The following PLAA variants were observed in gnomAD, a reference collection of about 807,000 sequenced individuals.
The protein encoded by PLAA is phospholipase A2 activating protein.
In PLAA, 48 loss-of-function variants were observed where a neutral mutation model predicts 84.1. That is an observed-to-expected ratio of 0.57 (90% CI 0.45 to 0.73). The LOEUF (loss-of-function observed/expected upper bound fraction) is 0.73. Ranked by LOEUF, PLAA falls within the 30% of genes least tolerant of loss-of-function variation. PLAA has a pLI of 0.00. For synonymous variants in PLAA, 392 were observed against 336.6 expected (o/e 1.16, Z -1.80); for missense variants, 903 against 954.7 (o/e 0.95, Z 0.71).
chr9:26,925,753 A>ATC lies in PLAA; in HGVS notation c.869+70_869+71dup. On this transcript the variant is annotated intron_variant, in intron 6 of 13. Coordinates refer to ENST00000397292, the MANE Select transcript of PLAA (RefSeq NM_001031689.3). ...AGTCACGTGAAATTCCTTATGGCTT[A>ATC]TCTCTGTACACTCTAGTTCCTACTG... 3 of 1,358,188 alleles carry ATC rather than the reference A, an allele frequency of 2.2e-6. No individual in the cohort carries two copies. In the South Asian group the frequency reaches 3.8e-5, roughly 17 times the overall value. The allele number at this position is 1,358,188 out of a possible 1,614,324, so 84.1% of individuals were successfully genotyped here. A position where few individuals can be genotyped will look rare whatever the true frequency, so the allele number is the denominator to read the frequency against.
At chr9:26,911,610 T>C (rs1173062510) in intron 11 of PLAA, among the ~76,000 whole-genome samples, 1 of 152,186 alleles carries the variant, frequency 6.6e-6, no homozygotes, top group Non-Finnish European at 1.5e-5. Context: ...TTTATACTTT[T>C]TTTTACATCT....
Position 26,907,936 on chromosome 9 carries a change from T to G in PLAA, c.1720A>C (p.Ile574Leu). 1 of 1,610,872 alleles carries G rather than the reference T, an allele frequency of 6.2e-7. No homozygotes were observed. The highest frequency in any genetic ancestry group is 8.5e-7 in the Non-Finnish European group (1 of 1,178,850). Residue 574 changes from isoleucine (I) to leucine (L), a missense_variant, in exon 13 of 14, where the codon ATA (isoleucine) becomes CTA (leucine). By Grantham distance (5) the Ile-to-Leu change is conservative. Transcript: ENST00000397292. ...AGAGACAGTATCTTCTCAAGAAGTA[T>G]CAAGTCATCCTCAGTTAACTTCTTC... ...EEKKLTEDDL[I>L]LLEKILSLIC...
intron 12 of PLAA, among the ~76,000 whole-genome samples, chr9:26,908,927 T>C (rs1824319413): frequency 1.3e-5 from 2 of 152,246 alleles, no homozygotes; most frequent in Admixed American, 6.5e-5. Context: ...AAGAGTTAAA[T>C]GCCTACTGAT....
intron 10 of PLAA, among the ~76,000 whole-genome samples, chr9:26,914,832 C>T (rs1052883176): frequency 1.3e-5 from 2 of 152,170 alleles, no homozygotes; most frequent in African/African-American, 4.8e-5. Flanking sequence ...GAATGAATCA[C>T]AGATTCAATA....
Position 26,947,088 on chromosome 9 carries a change from G to A in PLAA, c.-43C>T, listed in dbSNP as rs1825756995. 2 of 1,480,552 alleles carry A rather than the reference G, an allele frequency of 1.4e-6. No homozygotes were observed. The highest frequency in any genetic ancestry group is 2.7e-5 in the South Asian group (2 of 74,686). 91.7% of individuals were successfully genotyped at this position (1,480,552 alleles called of 1,614,324 possible). A position where few individuals can be genotyped will look rare whatever the true frequency, so the allele number is the denominator to read the frequency against. On this transcript the variant is annotated 5_prime_UTR_variant, in exon 1 of 14. Transcript: ENST00000397292. Reference sequence around the variant, plus strand: ...CGCCCGGTGCCCAGGCACTGTGCGAGACCAGTCCGCAGGGGCGACTCGGAG... The same window carrying A: ...CGCCCGGTGCCCAGGCACTGTGCGAAACCAGTCCGCAGGGGCGACTCGGAG...
chr9:26,944,133 G>A lies in PLAA; in HGVS notation c.149+2764C>T, dbSNP rs149850623. Among the ~76,000 whole-genome samples the A allele has an allele frequency of 3.8e-3, 577 of 152,242 alleles. 1 individual carries two copies. The highest frequency in any genetic ancestry group is 0.023 in the South Asian group (112 of 4,820). ...ATGTCATTATTGCGGGACTGGGTTA[G>A]AGAGTGGCTTTGTTACAAAAGCAAG... On this transcript the variant is annotated intron_variant, in intron 1 of 13. Coordinates refer to ENST00000397292, the MANE Select transcript of PLAA (RefSeq NM_001031689.3).
At chr9:26,918,225 C>A (rs1171778490) in intron 9 of PLAA, among the ~76,000 whole-genome samples, 1 of 151,892 alleles carries the variant, frequency 6.6e-6, no homozygotes, top group East Asian at 1.9e-4. Flanking sequence ...GATTCTCCTG[C>A]CTCAGTTTTC....
chr9:26,925,429 G>C (rs956983909), intron 6 of PLAA, among the ~76,000 whole-genome samples: 1 of 152,148 alleles, frequency 6.6e-6, no homozygotes, highest in Non-Finnish European at 1.5e-5. Context: ...TCTCATGAAG[G>C]AAACTTATAC....
At chr9:26,913,225 C>T (rs1008319346) in intron 11 of PLAA, among the ~76,000 whole-genome samples, 14 of 151,982 alleles carry the variant, frequency 9.2e-5, no homozygotes, top group African/African-American at 3.1e-4. Context: ...ATCTGTCAAA[C>T]CTGAAAGAGA....
At chr9:26,907,008 C>A (rs1587145697) in intron 13 of PLAA, among the ~76,000 whole-genome samples, 6 of 121,476 alleles carry the variant, frequency 4.9e-5, no homozygotes, top group South Asian at 5.4e-4. Context: ...AACACATCAG[C>A]AAAATCCATA....
At position 26,905,919 on chromosome 9, in the gene PLAA, G is replaced by C; in HGVS notation, c.1980C>G (p.Leu660=). ...CAACAAAACAATTGCAAAAAGTCCT[G>C]AGAGCAAGCAGCTGGTTTGCTGGCT... The part of the protein sequence containing the change: ...KGKPANQLLA[L]RTFCNCFVGQ... Residue 660 remains leucine, a synonymous_variant, in exon 14 of 14, where the codon CTC becomes CTG. Coordinates refer to ENST00000397292, the MANE Select transcript of PLAA (RefSeq NM_001031689.3). 1 of 1,614,150 alleles carries C rather than the reference G, an allele frequency of 6.2e-7. No individual in the cohort carries two copies. Among genetic ancestry groups the C allele is most frequent in the South Asian group, 1.1e-5 (1 of 91,082 alleles).
intron 11 of PLAA, among the ~76,000 whole-genome samples, chr9:26,911,582 C>T (rs930877782): frequency 6.6e-6 from 1 of 152,190 alleles, no homozygotes; most frequent in Non-Finnish European, 1.5e-5. Flanking sequence ...GCCACCAGGC[C>T]CGTCTGAGTC....
chr9:26,925,791 T>A lies in PLAA; in HGVS notation c.869+34A>T, dbSNP rs77170629. 1,883 of 1,603,182 alleles carry A rather than the reference T, an allele frequency of 1.2e-3. 22 individuals carry two copies. The East Asian group carries it at 0.032, about 27-fold the overall frequency. On this transcript the variant is annotated intron_variant, in intron 6 of 13. Transcript: ENST00000397292. ...CTAGTTCCTACTGAAGGCCTAGACA[T>A]ATAACATTTAATGATTGACTAGAAT...
At position 26,917,486 on chromosome 9, in the gene PLAA, T is replaced by C. The variant is rs767835809; in HGVS notation, c.1418-321A>G. On this transcript the variant is annotated intron_variant, in intron 9 of 13. Coordinates refer to ENST00000397292, the MANE Select transcript of PLAA (RefSeq NM_001031689.3). ...CCTAAATATATAAACATACAATCAA[T>C]TCCTGTCCCTGTTCCTATACAAATT... is the stretch of plus-strand genomic sequence containing the variant. Among the ~76,000 whole-genome samples, 7 of 152,348 alleles carry C rather than the reference T, an allele frequency of 4.6e-5. No homozygotes were observed. The South Asian group carries it at 6.2e-4, about 14-fold the overall frequency.
At chr9:26,923,031 CAT>C (rs572477300) in intron 7 of PLAA, 145 bp downstream of exon 7, 1 of 558,424 alleles carries the variant, frequency 1.8e-6, no homozygotes, top group South Asian at 2.9e-5. Context: ...CATGGTTTCT[CAT>C]AGTGATTATA....
At chr9:26,914,358 A>G (rs1010829842) in intron 10 of PLAA, among the ~76,000 whole-genome samples, 1 of 152,206 alleles carries the variant, frequency 6.6e-6, no homozygotes, top group African/African-American at 2.4e-5. Flanking sequence ...TATTATAGAT[A>G]ATACTTGTGG....
chr9:26,941,987 A>G (rs1254517807), intron 1 of PLAA, among the ~76,000 whole-genome samples: 1 of 152,186 alleles, frequency 6.6e-6, no homozygotes, highest in Non-Finnish European at 1.5e-5. Context: ...ATAGTTCAAA[A>G]ATCAGAATGG....
At chr9:26,918,421 C>A (rs1351232820) in intron 9 of PLAA, among the ~76,000 whole-genome samples, 1 of 151,980 alleles carries the variant, frequency 6.6e-6, no homozygotes, top group African/African-American at 2.4e-5. Flanking sequence ...AGCCACCACA[C>A]CTGGCCTGAT....
rs777462545 is a variant in PLAA, at chr9:26,925,934, A to T, written c.760T>A (p.Ser254Thr). 2.5e-6 allele frequency: 4 copies of T among 1,613,556 alleles called. No homozygotes were observed. The highest frequency in any genetic ancestry group is 2.5e-6 in the Non-Finnish European group (3 of 1,179,450). ...TCCCCATGTTTCCAGATTCTCAGAGATCTGTCCTCTGCTGTTGTCACAAAG... is the reference window on the plus strand; with the variant it reads ...TCCCCATGTTTCCAGATTCTCAGAGTTCTGTCCTCTGCTGTTGTCACAAAG... Reference protein sequence around the residue: ...RDFVTTAEDRSLRIWKHGECA... With the variant: ...RDFVTTAEDRTLRIWKHGECA... Residue 254 changes from serine (S) to threonine (T), a missense_variant, in exon 6 of 14, where the codon TCT (serine) becomes ACT (threonine). Ser to Thr is a moderately conservative substitution (Grantham distance 58). Transcript: ENST00000397292.
Sources: gnomAD v4.1 joint callset for allele counts (sites outside exome capture counted in the v4.1 genomes callset) on GRCh38, gnomAD v4.1.1 for gene constraint, MANE v1.5 for transcripts, NCBI Gene and HGNC (gene_info 2026-07-23, HGNC 2026-07-21) for gene names.